BIRC6: variants seen among roughly 807,000 people sequenced by gnomAD.
BIRC6 encodes dual E2 ubiquitin-conjugating enzyme/E3 ubiquitin-protein ligase BIRC6.
In BIRC6, 98 loss-of-function variants were observed where a neutral mutation model predicts 503.3. The ratio of observed to expected loss-of-function variants is 0.19; its 90% CI spans 0.17 to 0.23. BIRC6 has a LOEUF of 0.23. Among genes scored for constraint, BIRC6 ranks in the 10% least tolerant of loss-of-function variants. The pLI, the probability that BIRC6 is intolerant of heterozygous loss-of-function variation, is 1.00. For missense variants in BIRC6, 5,360 were observed against 5,806.0 expected (o/e 0.92, Z 2.50); for synonymous variants, 2,240 against 2,078.7 (o/e 1.08, Z -2.11).
At chr2:32,358,440 G>T (rs2033533731) in intron 1 of BIRC6, among the ~76,000 whole-genome samples, 1 of 152,168 alleles carries the variant, frequency 6.6e-6, no homozygotes, top group African/African-American at 2.4e-5. Flanking sequence ...GGCTGAGTTA[G>T]ATTTGGCGGA....
At chr2:32,585,165 A>G (rs2060943303) in intron 66 of BIRC6, among the ~76,000 whole-genome samples, 1 of 152,188 alleles carries the variant, frequency 6.6e-6, no homozygotes, top group African/African-American at 2.4e-5. Flanking sequence ...AGGTGCAAGC[A>G]ATGTTGCACA....
intron 44 of BIRC6, among the ~76,000 whole-genome samples, chr2:32,492,892 T>C (rs1188589349): frequency 6.6e-6 from 1 of 152,050 alleles, no homozygotes; most frequent in Admixed American, 6.5e-5. Context: ...TTATGAGTTG[T>C]TCATCAAATC....
At chr2:32,476,056 T>C (rs2049728218) in intron 33 of BIRC6, among the ~76,000 whole-genome samples, 157 bp from the exon 34 acceptor site, 1 of 152,114 alleles carries the variant, frequency 6.6e-6, no homozygotes, top group African/African-American at 2.4e-5. Flanking sequence ...GGATTTGAAA[T>C]GATTTTTTAA....
chr2:32,451,379 A>G (rs995170570), intron 22 of BIRC6, among the ~76,000 whole-genome samples: 3 of 152,102 alleles, frequency 2.0e-5, no homozygotes, highest in African/African-American at 4.8e-5. Flanking sequence ...AAGGGGATCT[A>G]TATGGTCATA....
At position 32,431,033 on chromosome 2, in the gene BIRC6, A is replaced by G. The variant is rs762613690; in HGVS notation, c.3191A>G (p.Gln1064Arg). ...AGGAGGCATCCTCAACATTTGCATC[A>G]GCAACACCATGGTGATGCTGCTCAG... ...QQRRHPQHLH[Q>R]QHHGDAAQHT... is the part of the protein sequence containing the mutation. The change falls in exon 12 of 74, where the codon CAG becomes CGG. Residue 1064 changes from glutamine to arginine, a missense_variant. By Grantham distance (43) the Gln-to-Arg change is conservative. Transcript: ENST00000421745. 2 of 1,613,422 alleles carry G rather than the reference A, an allele frequency of 1.2e-6. No individual in the cohort carries two copies. The highest frequency in any genetic ancestry group is 4.5e-5 in the East Asian group (2 of 44,878).
At chr2:32,477,274 A>G (rs2049872656) in intron 34 of BIRC6, 94 bp from the exon 35 acceptor site, 4 of 1,300,352 alleles carry the variant, frequency 3.1e-6, no homozygotes, top group Non-Finnish European at 3.1e-6. Flanking sequence ...TAGAAGTTGT[A>G]ATATGGAGTG....
intron 65 of BIRC6, chr2:32,563,209 G>A (rs2059316409): frequency 6.6e-6 from 1 of 152,162 alleles, no homozygotes; most frequent in African/African-American, 2.4e-5. Context: ...AATACTATGT[G>A]CACTACTTTG....
At chr2:32,532,636 C>A (rs1413328868) in intron 61 of BIRC6, among the ~76,000 whole-genome samples, 1 of 152,044 alleles carries the variant, frequency 6.6e-6, no homozygotes, top group Non-Finnish European at 1.5e-5. Context: ...CTTGGGAGGA[C>A]AAAATGCAAC....
intron 10 of BIRC6, among the ~76,000 whole-genome samples, chr2:32,423,566 C>G (rs1445500481): frequency 6.6e-6 from 1 of 152,132 alleles, no homozygotes; most frequent in African/African-American, 2.4e-5. Flanking sequence ...CCTTTTGTGT[C>G]TGGTTTCTTT....
chr2:32,397,692 G>GTA (rs1553396926), intron 6 of BIRC6, among the ~76,000 whole-genome samples: 246 of 100,388 alleles, frequency 2.5e-3, no homozygotes, highest in African/African-American at 9.0e-3. Context: ...ACATATATAT[G>GTA]TACACACACA....
intron 62 of BIRC6, among the ~76,000 whole-genome samples, chr2:32,544,272 A>T (rs577617585): frequency 6.6e-6 from 1 of 152,268 alleles, no homozygotes; most frequent in South Asian, 2.1e-4. Flanking sequence ...TTTTCAGAAA[A>T]TGAATCTGGT....
At chr2:32,568,366 G>C (rs1363114666) in intron 65 of BIRC6, among the ~76,000 whole-genome samples, 1 of 149,692 alleles carries the variant, frequency 6.7e-6, no homozygotes, top group Non-Finnish European at 1.5e-5. Context: ...GGTGGCATGT[G>C]CCTGTAATCC....
At chr2:32,501,572 T>C (rs771023401) in intron 46 of BIRC6, 141 bp from the exon 47 acceptor site, 220 of 574,548 alleles carry the variant, frequency 3.8e-4, no homozygotes, top group Non-Finnish European at 6.1e-4. Context: ...TGTTTCACCA[T>C]GTTGGCCAGG....
chr2:32,401,718 A>G, intron 8 of BIRC6, 95 bp downstream of exon 8: 4 of 1,123,040 alleles, frequency 3.6e-6, no homozygotes, highest in South Asian at 3.9e-5. Context: ...GGAGGAAAAA[A>G]AAGTTACGCA....
At chr2:32,391,822 A>G (rs1055347098) in intron 4 of BIRC6, among the ~76,000 whole-genome samples, 3 of 152,244 alleles carry the variant, frequency 2.0e-5, no homozygotes, top group African/African-American at 2.4e-5. Flanking sequence ...TTGTTTATCA[A>G]CTGCAGCCAC....
At chr2:32,476,704 A>T (rs2049805533) in intron 34 of BIRC6, among the ~76,000 whole-genome samples, 1 of 152,184 alleles carries the variant, frequency 6.6e-6, no homozygotes, top group Non-Finnish European at 1.5e-5. Flanking sequence ...AATAAAATGT[A>T]TATGTAAAGT....
chr2:32,516,508 T>A (rs1462211297), intron 55 of BIRC6, among the ~76,000 whole-genome samples: 2 of 140,948 alleles, frequency 1.4e-5, no homozygotes, highest in African/African-American at 5.4e-5. Context: ...AAAGCGAGAC[T>A]CTGTCTCAAA....
At chr2:32,425,378 G>T (rs565396752) in intron 10 of BIRC6, among the ~76,000 whole-genome samples, 2 of 148,194 alleles carry the variant, frequency 1.3e-5, no homozygotes, top group Non-Finnish European at 3.0e-5. Flanking sequence ...TTCATTTAAC[G>T]TTTTTGACTA....
chr2:32,485,511 T>C (rs918538395), intron 39 of BIRC6, 132 bp from the exon 40 acceptor site: 30 of 584,362 alleles, frequency 5.1e-5, no homozygotes, highest in Non-Finnish European at 9.2e-6. Flanking sequence ...CGATACTGCA[T>C]GTTAGGTGGC....
Sources: gnomAD v4.1 joint callset for allele counts (sites outside exome capture counted in the v4.1 genomes callset) on GRCh38, gnomAD v4.1.1 for gene constraint, MANE v1.5 for transcripts, NCBI Gene and HGNC (gene_info 2026-07-23, HGNC 2026-07-21) for gene names.